Variants in C1orf21 observed in about 807,000 individuals in gnomAD.
C1orf21 encodes chromosome 1 open reading frame 21.
Under a neutral mutation model 18.7 loss-of-function variants are expected in C1orf21, and 3 were observed. The observed-to-expected ratio is 0.16, with a 90% CI of 0.07 to 0.42. The LOEUF (loss-of-function observed/expected upper bound fraction) is 0.42, where lower values mean the gene tolerates loss of function less well. Among genes scored for constraint, C1orf21 ranks in the 10% least tolerant of loss-of-function variants. The probability of loss-of-function intolerance (pLI) is 0.99; values close to 1 mark genes in which losing one functional copy is unlikely to be tolerated. For missense variants in C1orf21, 104 were observed against 143.6 expected, an observed-to-expected ratio of 0.72 and a Z score of 1.41; for synonymous variants, 41 against 46.4, an observed-to-expected ratio of 0.88 and a Z score of 0.47.
intron 3 of C1orf21, among the ~76,000 whole-genome samples, chr1:184,544,856 T>C (rs1298894789): frequency 1.3e-5 from 2 of 152,148 alleles, no homozygotes; most frequent in African/African-American, 4.8e-5. Flanking sequence ...AGCACACTCA[T>C]GTTTGCTGTT....
chr1:184,616,500 G>A (rs949397301), intron 5 of C1orf21, among the ~76,000 whole-genome samples: 1 of 152,240 alleles, frequency 6.6e-6, no homozygotes, highest in African/African-American at 2.4e-5. Context: ...AATGAAAGTT[G>A]CAGAGTCCTG....
intron 3 of C1orf21, chr1:184,568,443 C>T (rs1181791150): frequency 2.1e-6 from 1 of 470,688 alleles, no homozygotes; most frequent in Non-Finnish European, 4.4e-6. Context: ...AATTTGACTA[C>T]TCCAGGCTGC....
chr1:184,547,924 G>A (rs2101980286), intron 3 of C1orf21, among the ~76,000 whole-genome samples: 1 of 152,212 alleles, frequency 6.6e-6, no homozygotes, highest in East Asian at 1.9e-4. Context: ...TTATACCATT[G>A]GAAATGGATA....
chr1:184,619,631 G>A lies in C1orf21; in HGVS notation c.*75G>A, dbSNP rs1455109360. Reference sequence around the variant, plus strand: ...CACCCCAGTTGAAATCTTTGCAAAGGTCGGTTCTATTCAGCGAACAGCACT... The same window carrying A: ...CACCCCAGTTGAAATCTTTGCAAAGATCGGTTCTATTCAGCGAACAGCACT... On this transcript the variant is annotated 3_prime_UTR_variant, in exon 6 of 6. Transcript: ENST00000235307. The A allele has an allele frequency of 2.8e-6, 4 of 1,450,436 alleles. No individual in the cohort carries two copies. Among genetic ancestry groups the A allele is most frequent in the African/African-American group, 2.8e-5 (2 of 70,366 alleles). 89.8% of individuals were successfully genotyped at this position (1,450,436 alleles called of 1,614,324 possible). A position where few individuals can be genotyped will look rare whatever the true frequency, so the allele number is the denominator to read the frequency against.
At chr1:184,495,853 G>A (rs911737451) in intron 2 of C1orf21, among the ~76,000 whole-genome samples, 6 of 150,526 alleles carry the variant, frequency 4.0e-5, no homozygotes, top group African/African-American at 1.5e-4. Context: ...GGGAGGCAGA[G>A]GTTGCAGTGA....
At chr1:184,505,379 C>T (rs2101962892) in intron 2 of C1orf21, among the ~76,000 whole-genome samples, 1 of 128,120 alleles carries the variant, frequency 7.8e-6, no homozygotes, top group Non-Finnish European at 1.6e-5. Context: ...TATATATTCA[C>T]CTATATATAT....
At chr1:184,408,629 T>G (rs991585863) in intron 1 of C1orf21, among the ~76,000 whole-genome samples, 1 of 152,194 alleles carries the variant, frequency 6.6e-6, no homozygotes, top group African/African-American at 2.4e-5. Context: ...TGGAGCTTTG[T>G]TTGCTAAATT....
intron 2 of C1orf21, among the ~76,000 whole-genome samples, chr1:184,503,962 T>C (rs1193459484): frequency 3.9e-5 from 6 of 152,136 alleles, no homozygotes; most frequent in African/African-American, 1.4e-4. Context: ...CCCACTACTG[T>C]TTGAGATCAG....
chr1:184,481,729 C>T (rs1045740382), intron 2 of C1orf21, among the ~76,000 whole-genome samples: 3 of 152,142 alleles, frequency 2.0e-5, no homozygotes, highest in Admixed American at 6.5e-5. Flanking sequence ...ATCTCTCTAA[C>T]ATAAATATTA....
At chr1:184,426,883 C>A (rs756304651) in intron 1 of C1orf21, among the ~76,000 whole-genome samples, 1 of 152,110 alleles carries the variant, frequency 6.6e-6, no homozygotes, top group Non-Finnish European at 1.5e-5. Flanking sequence ...AGTCTGAATT[C>A]ATTTCTTCAA....
At chr1:184,395,227 A>G (rs1656034226) in intron 1 of C1orf21, among the ~76,000 whole-genome samples, 1 of 152,054 alleles carries the variant, frequency 6.6e-6, no homozygotes, top group South Asian at 2.1e-4. Context: ...AAACCCTTCT[A>G]TTGTGCCCAC....
chr1:184,388,762 T>C lies in C1orf21; in HGVS notation c.-125+1394T>C, dbSNP rs1231994624. Among the ~76,000 whole-genome samples, 4 of 152,110 alleles carry C rather than the reference T, an allele frequency of 2.6e-5. No homozygotes were observed. In the East Asian group the frequency reaches 7.7e-4, roughly 29 times the overall value. ...CTGCCTAATAGGAATAACCTTTTGA[T>C]TTGATAGAATTGGAATGTACCAGGA... On this transcript the variant is annotated intron_variant, in intron 1 of 5. Transcript: ENST00000235307.
intron 3 of C1orf21, among the ~76,000 whole-genome samples, chr1:184,569,581 G>T (rs1478208073): frequency 1.3e-5 from 2 of 152,190 alleles, no homozygotes; most frequent in African/African-American, 2.4e-5. Flanking sequence ...TCCAGACTGG[G>T]TGCAATGGCA....
chr1:184,406,680 A>G (rs1304471517), intron 1 of C1orf21, among the ~76,000 whole-genome samples: 1 of 152,212 alleles, frequency 6.6e-6, no homozygotes, highest in Admixed American at 6.5e-5. Flanking sequence ...TTAATGGGCC[A>G]GCTGCATGTG....
intron 1 of C1orf21, among the ~76,000 whole-genome samples, chr1:184,410,852 A>G (rs1299114843): frequency 6.8e-6 from 1 of 147,686 alleles, no homozygotes; most frequent in East Asian, 2.0e-4. Context: ...GGGTTTTGCC[A>G]CGTTGTCCAG....
intron 1 of C1orf21, among the ~76,000 whole-genome samples, chr1:184,466,246 C>A (rs1657395610): frequency 6.6e-6 from 1 of 152,202 alleles, no homozygotes; most frequent in African/African-American, 2.4e-5. Context: ...ATCTTGCCCT[C>A]ACTTTTATGT....
At chr1:184,438,591 CTGG>C (rs1159607124) in intron 1 of C1orf21, among the ~76,000 whole-genome samples, 1 of 152,178 alleles carries the variant, frequency 6.6e-6, no homozygotes, top group East Asian at 1.9e-4. Flanking sequence ...GGACTGAGGT[CTGG>C]GGCTGGGCCA....
chr1:184,609,061 G>A (rs1367672850), intron 5 of C1orf21, among the ~76,000 whole-genome samples: 1 of 152,150 alleles, frequency 6.6e-6, no homozygotes, highest in East Asian at 1.9e-4. Flanking sequence ...GAGCCCTGTG[G>A]TCCCTCAAAC....
At chr1:184,463,629 TG>T (rs1657341902) in intron 1 of C1orf21, among the ~76,000 whole-genome samples, 2 of 152,210 alleles carry the variant, frequency 1.3e-5, no homozygotes, top group African/African-American at 4.8e-5. Flanking sequence ...AACCATGACT[TG>T]CCTTAAAAAT....
Sources: gnomAD v4.1 joint callset for allele counts (sites outside exome capture counted in the v4.1 genomes callset) on GRCh38, gnomAD v4.1.1 for gene constraint, MANE v1.5 for transcripts, NCBI Gene and HGNC (gene_info 2026-07-23, HGNC 2026-07-21) for gene names.